Variants in JAKMIP3 observed in about 807,000 individuals in gnomAD.
JAKMIP3 encodes janus kinase and microtubule-interacting protein 3.
A neutral mutation model predicts 118.5 loss-of-function variants in JAKMIP3; 58 were observed. The observed-to-expected ratio is 0.49, with a 90% confidence interval of 0.40 to 0.61. JAKMIP3 has a LOEUF of 0.61. Among genes scored for constraint, JAKMIP3 ranks in the 20% least tolerant of loss-of-function variants. The pLI is 0.00. For synonymous variants in JAKMIP3, 486 were observed against 451.2 expected, an observed-to-expected ratio of 1.08 and a Z score of -0.98; for missense variants, 950 against 1,109.0, an observed-to-expected ratio of 0.86 and a Z score of 2.04.
rs1381685634 is a variant in JAKMIP3, at chr10:132,163,115, C to T, written c.2221-94C>T. The T allele has an allele frequency of 2.4e-6, 3 of 1,237,168 alleles. No individual in the cohort carries two copies. In the Admixed American group the frequency reaches 6.6e-5, roughly 27 times the overall value. 76.6% of individuals were successfully genotyped at this position (1,237,168 alleles called of 1,614,324 possible). On this transcript the variant is annotated intron_variant, in intron 19 of 23. Coordinates refer to ENST00000684848, the MANE Select transcript of JAKMIP3 (RefSeq NM_001323087.2). ...TGTTGCATATCCTCTTGGCCCTGCT[C>T]CCAGGCGGAGGGTGGCCCGGCCTCC...
intron 5 of JAKMIP3, 43 bp from the exon 6 acceptor site, chr10:132,135,887 C>T: frequency 6.3e-7 from 1 of 1,585,876 alleles, no homozygotes. Context: ...CCTGCTGGTT[C>T]TCCGTCACTT....
At chr10:132,159,895 T>A (rs2057828613) in intron 19 of JAKMIP3, among the ~76,000 whole-genome samples, 1 of 9,508 alleles carries the variant, frequency 1.1e-4, no homozygotes, top group Non-Finnish European at 1.6e-4. Context: ...TGTGTGATGC[T>A]GGGGGGTCTC....
chr10:132,059,077 G>A (rs918057111), intron 1 of JAKMIP3, among the ~76,000 whole-genome samples: 13 of 152,344 alleles, frequency 8.5e-5, no homozygotes, highest in East Asian at 3.9e-4. Context: ...CTGTTCGCGC[G>A]GACGACAAAC....
chr10:132,125,158 G>A (rs145725198), intron 3 of JAKMIP3, among the ~76,000 whole-genome samples: 10 of 152,348 alleles, frequency 6.6e-5, no homozygotes, highest in East Asian at 1.9e-4. Flanking sequence ...CTCCGAGGGC[G>A]TGAAGTTGCC....
intron 1 of JAKMIP3, among the ~76,000 whole-genome samples, chr10:132,045,233 G>A (rs1261831718): frequency 6.6e-6 from 1 of 152,152 alleles, no homozygotes; most frequent in Non-Finnish European, 1.5e-5. Context: ...GTGAGCAGGT[G>A]GCTCGCTGCA....
rs146866449 is a variant in JAKMIP3, at chr10:132,094,882, C to T, written c.-137-9790C>T. Among the ~76,000 whole-genome samples the T allele has an allele frequency of 2.4e-4, 36 of 152,144 alleles. No homozygotes were observed. The East Asian group carries it at 6.6e-3, about 28-fold the overall frequency. On this transcript the variant is annotated intron_variant, in intron 1 of 23. Coordinates refer to ENST00000684848, the MANE Select transcript of JAKMIP3 (RefSeq NM_001323087.2). ...GGCGGGGCCAGTGTCTGAGCTCAGA[C>T]TCTCTTGGGCGGGTCTTGCTGTGGC...
chr10:132,181,020 ATG>A (rs1002996674), intron 23 of JAKMIP3, among the ~76,000 whole-genome samples: 1 of 151,220 alleles, frequency 6.6e-6, no homozygotes, highest in Non-Finnish European at 1.5e-5. Flanking sequence ...TGCAGTGTGT[ATG>A]TGCTGTTTGC....
At chr10:132,109,038 A>ACAAATTATATATG (rs2046385299) in intron 2 of JAKMIP3, among the ~76,000 whole-genome samples, 4 of 143,606 alleles carry the variant, frequency 2.8e-5, no homozygotes, top group Non-Finnish European at 6.0e-5. Context: ...ATATATGTAT[A>ACAAATTATATATG]TATATACACA....
chr10:132,132,855 TC>T (rs71758908), intron 3 of JAKMIP3, among the ~76,000 whole-genome samples: 6,477 of 152,274 alleles, frequency 0.043, 269 homozygotes, highest in East Asian at 0.1. Flanking sequence ...CCCCATGGTC[TC>T]CCCTGCCTGT....
At chr10:132,099,872 G>A (rs1201247354) in intron 1 of JAKMIP3, among the ~76,000 whole-genome samples, 1 of 96,724 alleles carries the variant, frequency 1.0e-5, no homozygotes, top group Non-Finnish European at 2.4e-5. Context: ...TGCAGCTCCC[G>A]TGCTCACCCT....
chr10:132,084,785 G>C (rs1294984062), intron 1 of JAKMIP3, among the ~76,000 whole-genome samples: 1 of 152,120 alleles, frequency 6.6e-6, no homozygotes, highest in Non-Finnish European at 1.5e-5. Context: ...AATTATAAAG[G>C]GATGCTAGAT....
chr10:132,046,805 C>T (rs1888122), intron 1 of JAKMIP3, among the ~76,000 whole-genome samples: 87,578 of 152,082 alleles, frequency 0.58, 26,086 homozygotes, highest in East Asian at 0.97. Context: ...AGAGAGCTAT[C>T]TGGGCCAAGC....
intron 14 of JAKMIP3, 115 bp from the exon 15 acceptor site, chr10:132,149,297 C>A: frequency 1.5e-6 from 1 of 680,116 alleles, no homozygotes; most frequent in Non-Finnish European, 2.5e-6. Flanking sequence ...TTCATAAATG[C>A]TGTGTTGATC....
At chr10:132,180,696 C>T (rs112754441) in intron 23 of JAKMIP3, among the ~76,000 whole-genome samples, 948 of 10,922 alleles carry the variant, frequency 0.087, 219 homozygotes, top group East Asian at 0.36. Context: ...TGTGTGCGTG[C>T]GTGTGTGTGT....
intron 23 of JAKMIP3, among the ~76,000 whole-genome samples, chr10:132,172,920 C>T (rs934350674): frequency 6.6e-6 from 1 of 150,694 alleles, no homozygotes; most frequent in African/African-American, 2.5e-5. Flanking sequence ...CACCCACACA[C>T]CTGTGCTTCC....
chr10:132,179,552 G>A lies in JAKMIP3; in HGVS notation c.*1104-2805G>A, dbSNP rs1041371503. On this transcript the variant is annotated intron_variant, in intron 23 of 23. Coordinates refer to ENST00000684848, the MANE Select transcript of JAKMIP3 (RefSeq NM_001323087.2). This position sits in a 1 kb window ranked among gnomAD's most constrained non-coding sequence, Gnocchi z 4.3. ...AATGGCCAAGTACGTAAAAGAATGC[G>A]CTCCCTGAAGGCAATTCGCAGCCCC... Among the ~76,000 whole-genome samples, 6 of 152,114 alleles carry A rather than the reference G, an allele frequency of 3.9e-5. No individual in the cohort carries two copies. Among genetic ancestry groups the A allele is most frequent in the East Asian group, 1.9e-4 (1 of 5,186 alleles).
intron 1 of JAKMIP3, among the ~76,000 whole-genome samples, chr10:132,096,146 G>T (rs2026782): frequency 0.85 from 129,259 of 152,232 alleles, 55,071 homozygotes; most frequent in African/African-American, 0.92. Context: ...TACATTGGGA[G>T]CAGTAGACAA....
chr10:132,105,089 T>TG (rs920722597), intron 2 of JAKMIP3, 146 bp downstream of exon 2: 5 of 950,090 alleles, frequency 5.3e-6, no homozygotes, highest in Non-Finnish European at 4.6e-6. Flanking sequence ...GACCACTTGG[T>TG]GGGGGGTGGG....
intron 19 of JAKMIP3, among the ~76,000 whole-genome samples, chr10:132,159,646 GCCTCTCCCT>G (rs1564981785): frequency 1.5e-4 from 9 of 59,342 alleles, no homozygotes; most frequent in Non-Finnish European, 1.8e-4. Context: ...ATGCTGGGGG[GCCTCTCCCT>G]GTGTGATGCT....
Sources: allele counts gnomAD v4.1 joint callset (sites outside exome capture counted in the v4.1 genomes callset), GRCh38; gene constraint gnomAD v4.1.1; non-coding constraint Gnocchi (gnomAD v3.1); transcripts MANE v1.5; gene names NCBI Gene and HGNC (gene_info 2026-07-23, HGNC 2026-07-21).